The following PSKH1 variants were observed in gnomAD, a reference collection of about 807,000 sequenced individuals.
The protein encoded by PSKH1 is protein serine kinase H1.
A neutral mutation model predicts 26.7 loss-of-function variants in PSKH1; 12 were observed. That is an observed-to-expected ratio of 0.45 (90% CI 0.29 to 0.73). The LOEUF is 0.73. Ranked by LOEUF, PSKH1 falls within the 30% of genes least tolerant of loss-of-function variation. The probability of loss-of-function intolerance (pLI) is 0.11; values close to 1 mark genes in which losing one functional copy is unlikely to be tolerated. For missense variants in PSKH1, 431 were observed against 595.2 expected (o/e 0.72, Z 2.87); for synonymous variants, 213 against 234.3 (o/e 0.91, Z 0.83).
At chr16:67,914,320 A>C (rs765131161) in intron 2 of PSKH1, among the ~76,000 whole-genome samples, 21 of 146,868 alleles carry the variant, frequency 1.4e-4, no homozygotes, top group Non-Finnish European at 3.0e-4. Context: ...CAGATATCTA[A>C]TTTTGTATTT....
chr16:67,917,400 A>C (rs59159829), intron 2 of PSKH1, among the ~76,000 whole-genome samples: 8,304 of 152,270 alleles, frequency 0.055, 665 homozygotes, highest in African/African-American at 0.18. Context: ...ATCAGTGGAC[A>C]CATCTCTCCT....
rs201432888 is a variant in PSKH1, at chr16:67,927,545, G to A, written c.1178G>A (p.Arg393His). 3.5e-5 allele frequency: 57 copies of A among 1,613,882 alleles called. No homozygotes were observed. The highest frequency in any genetic ancestry group is 4.0e-5 in the Non-Finnish European group (47 of 1,180,034). ...AGCACCAAATCTGCCCAGTCCACGC[G>A]TTCCAGCCGCTCCACACGCTCCAAT... ...CQSTKSAQST[R>H]SSRSTRSNKS... is the part of the protein sequence containing the mutation. Residue 393 changes from arginine to histidine, a missense_variant, in exon 3 of 3, where the codon CGT becomes CAT. Physicochemically the swap from Arg to His is conservative, Grantham distance 29 (BLOSUM62 0). Coordinates refer to ENST00000291041, the MANE Select transcript of PSKH1 (RefSeq NM_006742.3). The surrounding 1 kb of genome is among the most constrained non-coding windows in gnomAD (Gnocchi z 5.5).
chr16:67,905,940 G>A (rs1207561853), intron 1 of PSKH1, among the ~76,000 whole-genome samples: 1 of 152,098 alleles, frequency 6.6e-6, no homozygotes, highest in Non-Finnish European at 1.5e-5. Context: ...ACTTGTTTGT[G>A]TGTGTGTGTG....
chr16:67,908,194 C>T (rs1598188979), intron 1 of PSKH1, among the ~76,000 whole-genome samples: 1 of 152,062 alleles, frequency 6.6e-6, no homozygotes, highest in African/African-American at 2.4e-5. Context: ...TCAGCTAGAC[C>T]CTGTGTTGAG....
In PSKH1 at chr16:67,909,595, G is replaced by T. The variant is rs757286212; in HGVS notation, c.846G>T (p.Ala282=). ...KPYTNSVDMW[A]LGVIAYILLS... ...ACACCAACTCAGTGGACATGTGGGC[G>T]CTGGGCGTCATTGCCTACATCCTAC... The change falls in exon 2 of 3, where the codon GCG becomes GCT. Residue 282 remains alanine (A), a synonymous_variant. Coordinates refer to ENST00000291041, the MANE Select transcript of PSKH1 (RefSeq NM_006742.3). This position sits in a 1 kb window ranked among gnomAD's most constrained non-coding sequence, Gnocchi z 7.8. 1 of 1,614,058 alleles carries T rather than the reference G, an allele frequency of 6.2e-7. No individual in the cohort carries two copies. The highest frequency in any genetic ancestry group is 8.5e-7 in the Non-Finnish European group (1 of 1,180,050).
chr16:67,904,931 A>T (rs1382859318), intron 1 of PSKH1, among the ~76,000 whole-genome samples: 1 of 144,482 alleles, frequency 6.9e-6, no homozygotes, highest in Non-Finnish European at 1.5e-5. Context: ...CATTCACGCC[A>T]TTCTCCTGCC....
chr16:67,927,445 G>C lies in PSKH1; in HGVS notation c.1078G>C (p.Ala360Pro). The C allele has an allele frequency of 1.2e-6, 2 of 1,614,210 alleles. No homozygotes were observed. Among genetic ancestry groups the C allele is most frequent in the Non-Finnish European group, 8.5e-7 (1 of 1,180,046 alleles). Residue 360 changes from alanine (A) to proline (P), a missense_variant, in exon 3 of 3, where the codon GCC becomes CCC. Ala to Pro is a conservative substitution (Grantham distance 27, BLOSUM62 -1). Transcript: ENST00000291041. This position sits in a 1 kb window ranked among gnomAD's most constrained non-coding sequence, Gnocchi z 5.5. ...GCACCCGTGGGTGGTGAGCATGGCT[G>C]CCTCTTCATCCATGAAGAACCTGCA... The part of the protein sequence containing the change: ...LRHPWVVSMA[A>P]SSSMKNLHRS...
chr16:67,912,742 C>T (rs1202419353), intron 2 of PSKH1, among the ~76,000 whole-genome samples: 1 of 152,170 alleles, frequency 6.6e-6, no homozygotes, highest in Non-Finnish European at 1.5e-5. Flanking sequence ...GTGGCACATG[C>T]CTGTAATCCC....
At chr16:67,900,918 C>A (rs1162203632) in intron 1 of PSKH1, among the ~76,000 whole-genome samples, 1 of 152,146 alleles carries the variant, frequency 6.6e-6, no homozygotes, top group Admixed American at 6.5e-5. Context: ...GGGGCACACA[C>A]AAGAGATGCT....
intron 2 of PSKH1, among the ~76,000 whole-genome samples, chr16:67,911,856 A>G (rs2058174283): frequency 6.6e-6 from 1 of 152,204 alleles, no homozygotes; most frequent in South Asian, 2.1e-4. Context: ...TCCCCATGTC[A>G]TGCCTCTCAA....
At chr16:67,906,481 G>A (rs2058156371) in intron 1 of PSKH1, among the ~76,000 whole-genome samples, 2 of 151,742 alleles carry the variant, frequency 1.3e-5, no homozygotes, top group African/African-American at 4.8e-5. Flanking sequence ...TTCTGCCTCA[G>A]CCTCCCAAGT....
chr16:67,916,598 G>T (rs903719211), intron 2 of PSKH1, among the ~76,000 whole-genome samples: 3 of 152,154 alleles, frequency 2.0e-5, no homozygotes, highest in Non-Finnish European at 4.4e-5. Flanking sequence ...TGCACTGTGG[G>T]AGGAGCCCTC....
intron 2 of PSKH1, among the ~76,000 whole-genome samples, chr16:67,916,401 C>T (rs1372185943): frequency 6.6e-6 from 1 of 152,164 alleles, no homozygotes; most frequent in Non-Finnish European, 1.5e-5. Context: ...AGCCCCAGTC[C>T]TCTGTCAGGC....
chr16:67,923,462 G>A (rs965416801), intron 2 of PSKH1, among the ~76,000 whole-genome samples: 3 of 152,176 alleles, frequency 2.0e-5, no homozygotes, highest in Non-Finnish European at 4.4e-5. Context: ...GGGATTAGAG[G>A]TGTGAGCCAC....
Position 67,929,671 on chromosome 16 carries a change from T to A in PSKH1, c.*2029T>A. 1 of 509,508 alleles carries A rather than the reference T, an allele frequency of 2.0e-6. No homozygotes were observed. The highest frequency in any genetic ancestry group is 3.5e-6 in the Non-Finnish European group (1 of 282,782). The allele number at this position is 509,508 out of a possible 1,614,324, so 31.6% of individuals were successfully genotyped here. The stretch of plus-strand genomic sequence containing the variant: ...CCTCTCCAGGGAGGGCTGCCATTCA[T>A]TCCAACAGTTCTGGCTTCTTGCTGT... On this transcript the variant is annotated 3_prime_UTR_variant, in exon 3 of 3. Coordinates refer to ENST00000291041, the MANE Select transcript of PSKH1 (RefSeq NM_006742.3).
At chr16:67,897,742 A>G (rs1287581567) in intron 1 of PSKH1, among the ~76,000 whole-genome samples, 1 of 152,222 alleles carries the variant, frequency 6.6e-6, no homozygotes, top group Non-Finnish European at 1.5e-5. Context: ...GCTGGAGTGC[A>G]GTGGCATAAT....
intron 1 of PSKH1, among the ~76,000 whole-genome samples, chr16:67,895,718 T>A (rs2058124617): frequency 6.6e-6 from 1 of 152,160 alleles, no homozygotes; most frequent in African/African-American, 2.4e-5. Context: ...GGTATCTGTA[T>A]TTTGAGAAAA....
At chr16:67,917,131 T>C (rs763209623) in intron 2 of PSKH1, among the ~76,000 whole-genome samples, 23 of 152,228 alleles carry the variant, frequency 1.5e-4, no homozygotes, top group Non-Finnish European at 3.2e-4. Flanking sequence ...GGCTGAATGT[T>C]CTACACCCCC....
At chr16:67,897,533 C>G (rs1054194177) in intron 1 of PSKH1, among the ~76,000 whole-genome samples, 1 of 152,198 alleles carries the variant, frequency 6.6e-6, no homozygotes, top group African/African-American at 2.4e-5. Flanking sequence ...GTGGAGCCAT[C>G]CAGGCTGTAA....
Sources: gnomAD v4.1 joint callset for allele counts (sites outside exome capture counted in the v4.1 genomes callset) on GRCh38, gnomAD v4.1.1 for gene constraint, Gnocchi (gnomAD v3.1) non-coding constraint, MANE v1.5 for transcripts, NCBI Gene and HGNC (gene_info 2026-07-23, HGNC 2026-07-21) for gene names.